EIF5B: variants seen among roughly 807,000 people sequenced by gnomAD.
The protein encoded by EIF5B is eukaryotic translation initiation factor 5B, also known as eIF-5B.
Under a neutral mutation model 147.5 loss-of-function variants are expected in EIF5B, and 47 were observed. The observed-to-expected ratio is 0.32, with a 90% CI of 0.25 to 0.41. The LOEUF (loss-of-function observed/expected upper bound fraction) is 0.41, where lower values mean the gene tolerates loss of function less well. EIF5B is among the 10% of genes least tolerant of loss of function. EIF5B has a pLI of 1.00. For missense variants in EIF5B, 1,064 were observed against 1,413.2 expected (o/e 0.75, Z 3.96); for synonymous variants, 455 against 456.2 (o/e 1.00, Z 0.03).
chr2:99,343,071 A>T (rs1219149465), intron 1 of EIF5B, among the ~76,000 whole-genome samples: 3 of 150,246 alleles, frequency 2.0e-5, no homozygotes, highest in East Asian at 3.9e-4. Context: ...AGCGATTCTC[A>T]TGCCTCAGCC....
chr2:99,356,197 T>TTTCTCAGA (rs1674093376), intron 1 of EIF5B, among the ~76,000 whole-genome samples: 1 of 152,246 alleles, frequency 6.6e-6, no homozygotes, highest in Admixed American at 6.5e-5. Context: ...TCTGTGATAG[T>TTTCTCAGA]TTCTCAGATT....
At chr2:99,360,775 G>A (rs1447817144) in intron 3 of EIF5B, among the ~76,000 whole-genome samples, 7 of 152,312 alleles carry the variant, frequency 4.6e-5, no homozygotes, top group East Asian at 1.9e-4. Context: ...GTAATCACTC[G>A]TTCCATCTTC....
chr2:99,364,257 G>GTA lies in EIF5B; in HGVS notation c.1138-13_1138-12dup. 12 of 1,572,490 alleles carry GTA rather than the reference G, an allele frequency of 7.6e-6. No homozygotes were observed. Among genetic ancestry groups the GTA allele is most frequent in the Non-Finnish European group, 8.6e-6 (10 of 1,166,012 alleles). ...AATGAATACAGGTTTTGTCTGACAT[G>GTA]TACTCTTTTATAGGAACGATTGGAA... On this transcript the variant is annotated splice_polypyrimidine_tract_variant and intron_variant, in intron 5 of 23. Transcript: ENST00000289371.
chr2:99,345,840 G>A (rs1379143682), intron 1 of EIF5B, among the ~76,000 whole-genome samples: 2 of 151,752 alleles, frequency 1.3e-5, no homozygotes, highest in Non-Finnish European at 2.9e-5. Flanking sequence ...CTACTCAGGA[G>A]GCTGAGGTGG....
chr2:99,393,166 T>C, intron 18 of EIF5B, 68 bp downstream of exon 18: 1 of 1,354,534 alleles, frequency 7.4e-7, no homozygotes, highest in East Asian at 2.7e-5. Context: ...GCATTGCACA[T>C]GCTAGGGATG....
At chr2:99,348,159 T>G (rs796547271) in intron 1 of EIF5B, among the ~76,000 whole-genome samples, 3 of 152,344 alleles carry the variant, frequency 2.0e-5, no homozygotes, top group African/African-American at 7.2e-5. Context: ...AGGGTTAGGC[T>G]GAATTTTGTA....
At chr2:99,361,962 C>G in intron 4 of EIF5B, 142 bp downstream of exon 4, 1 of 644,396 alleles carries the variant, frequency 1.6e-6, no homozygotes, top group Non-Finnish European at 2.3e-6. Flanking sequence ...AAAATTACGT[C>G]TAAGTATTTG....
chr2:99,357,813 G>C (rs527374673), intron 1 of EIF5B, among the ~76,000 whole-genome samples: 6 of 152,144 alleles, frequency 3.9e-5, no homozygotes, highest in Non-Finnish European at 7.4e-5. Flanking sequence ...GCAGACTTAG[G>C]TTCTTGTTAC....
intron 21 of EIF5B, among the ~76,000 whole-genome samples, chr2:99,395,956 GCT>G (rs1468945095): frequency 6.6e-6 from 1 of 152,172 alleles, no homozygotes; most frequent in Non-Finnish European, 1.5e-5. Context: ...CATTGCCAAG[GCT>G]GTGTGTTCAC....
At chr2:99,361,900 TTTG>T (rs1467438106) in intron 4 of EIF5B, 80 bp downstream of exon 4, 2 of 1,355,002 alleles carry the variant, frequency 1.5e-6, no homozygotes, top group East Asian at 2.5e-5. Flanking sequence ...CCAAGGTCGT[TTTG>T]TTATTTGTCC....
intron 1 of EIF5B, among the ~76,000 whole-genome samples, chr2:99,355,984 C>A (rs887196004): frequency 6.6e-6 from 1 of 152,142 alleles, no homozygotes; most frequent in East Asian, 1.9e-4. Flanking sequence ...TACAGAGTCT[C>A]CATGTGCCCC....
chr2:99,353,733 T>C (rs1674033959), intron 1 of EIF5B, among the ~76,000 whole-genome samples: 2 of 152,220 alleles, frequency 1.3e-5, no homozygotes, highest in African/African-American at 2.4e-5. Flanking sequence ...TGTATGTTTC[T>C]AAACTTTTGT....
rs1304509375 is a variant in EIF5B at position 99,399,375 on chromosome 2, G to C, written c.3624G>C (p.Gln1208His). 6.2e-7 allele frequency: 1 copy of C among 1,614,150 alleles called. No individual in the cohort carries two copies. The highest frequency in any genetic ancestry group is 8.5e-7 in the Non-Finnish European group (1 of 1,180,036). Residue 1208 changes from glutamine (Q) to histidine (H), a missense_variant, in exon 24 of 24, where the codon CAG (glutamine) becomes CAC (histidine). By Grantham distance (24) the Gln-to-His change is conservative (BLOSUM62 0). Transcript: ENST00000289371. ...FRDEMQKSDW[Q>H]LIVELKKVFE... The stretch of plus-strand genomic sequence containing the variant: ...ATGAAATGCAGAAGAGTGACTGGCA[G>C]CTTATTGTGGAGCTGAAGAAAGTAT...
intron 1 of EIF5B, among the ~76,000 whole-genome samples, chr2:99,343,377 CTT>C (rs1036539909): frequency 6.6e-6 from 1 of 151,096 alleles, no homozygotes; most frequent in African/African-American, 2.4e-5. Flanking sequence ...TTTCCACTGT[CTT>C]TTAAAGTTTC....
intron 17 of EIF5B, among the ~76,000 whole-genome samples, chr2:99,392,256 G>A (rs1306618887): frequency 6.6e-6 from 1 of 151,954 alleles, no homozygotes; most frequent in Non-Finnish European, 1.5e-5. Flanking sequence ...TGTATTTTTA[G>A]TAGAGGTGGG....
Position 99,364,346 on chromosome 2 carries a change from G to C in EIF5B, c.1213G>C (p.Gly405Arg). The change falls in exon 6 of 24, where the codon GGG (glycine) becomes CGG (arginine). Residue 405 changes from glycine to arginine, a missense_variant. By Grantham distance (125) the Gly-to-Arg change is moderately radical (BLOSUM62 -2). Coordinates refer to ENST00000289371, the MANE Select transcript of EIF5B (RefSeq NM_015904.4). ...AAGAAAAGAACGCTTGAAAAAAGAA[G>C]GGAAACTTTTAACTAAATCCCAGAG... ...KERKERLKKE[G>R]KLLTKSQREA... 1.2e-6 allele frequency: 2 copies of C among 1,610,458 alleles called. No homozygotes were observed. The highest frequency in any genetic ancestry group is 8.5e-7 in the Non-Finnish European group (1 of 1,179,158).
chr2:99,366,553 C>G (rs1470950676), intron 6 of EIF5B, among the ~76,000 whole-genome samples: 1 of 151,964 alleles, frequency 6.6e-6, no homozygotes, highest in Non-Finnish European at 1.5e-5. Context: ...TTAGAGATAA[C>G]ATTTTTAGTC....
intron 1 of EIF5B, among the ~76,000 whole-genome samples, chr2:99,345,920 G>C (rs999676101): frequency 6.7e-6 from 1 of 149,330 alleles, no homozygotes; most frequent in Non-Finnish European, 1.5e-5. Context: ...CTTCAGCCTG[G>C]GTGACAGAGC....
At chr2:99,345,066 G>C (rs1356566470) in intron 1 of EIF5B, among the ~76,000 whole-genome samples, 2 of 152,152 alleles carry the variant, frequency 1.3e-5, no homozygotes, top group African/African-American at 2.4e-5. Context: ...TCAGATAAAT[G>C]AAATGTCATT....
Sources: allele counts gnomAD v4.1 joint callset (sites outside exome capture counted in the v4.1 genomes callset), GRCh38; gene constraint gnomAD v4.1.1; transcripts MANE v1.5; gene names NCBI Gene and HGNC (gene_info 2026-07-23, HGNC 2026-07-21).